SLC45A4: variants seen among roughly 807,000 people sequenced by gnomAD.
SLC45A4 encodes solute carrier family 45 member 4, also known as polyamine-transporter SLC45A4.
A neutral mutation model predicts 63.7 loss-of-function variants in SLC45A4; 32 were observed. The observed-to-expected ratio is 0.50, with a 90% CI of 0.38 to 0.67. The LOEUF (loss-of-function observed/expected upper bound fraction) is 0.67, where lower values mean the gene tolerates loss of function less well. SLC45A4 is among the 30% of genes least tolerant of loss of function. The probability of loss-of-function intolerance (pLI) is 0.00; values close to 1 mark genes in which losing one functional copy is unlikely to be tolerated. For missense variants in SLC45A4, 1,027 were observed against 1,157.7 expected (o/e 0.89, Z 1.64); for synonymous variants, 535 against 510.0 (o/e 1.05, Z -0.66).
At chr8:141,264,500 C>G (rs975712146) in intron 1 of SLC45A4, among the ~76,000 whole-genome samples, 3 of 152,254 alleles carry the variant, frequency 2.0e-5, no homozygotes, top group Non-Finnish European at 4.4e-5. Flanking sequence ...CAGTGCTGTC[C>G]TAATAATTCT....
chr8:141,307,536 G>A (rs1830935559), intron 1 of SLC45A4, among the ~76,000 whole-genome samples: 1 of 107,664 alleles, frequency 9.3e-6, no homozygotes, highest in African/African-American at 4.4e-5. Context: ...AGAAGGGAAG[G>A]GGAAGAAGGG....
At chr8:141,231,536 G>C (rs966010452) in intron 2 of SLC45A4, among the ~76,000 whole-genome samples, 2 of 152,262 alleles carry the variant, frequency 1.3e-5, no homozygotes, top group African/African-American at 4.8e-5. Context: ...CGGATGCCAC[G>C]TGGGGGAGCA....
At chr8:141,243,313 C>T (rs545933196) in intron 2 of SLC45A4, among the ~76,000 whole-genome samples, 12 of 152,188 alleles carry the variant, frequency 7.9e-5, no homozygotes, top group East Asian at 1.9e-4. Flanking sequence ...AGGTGCCCCC[C>T]GCCGCAGCAA....
At position 141,263,320 on chromosome 8, in the gene SLC45A4, T is replaced by A. The variant is rs1217539426; in HGVS notation, c.-400-8691A>T. On this transcript the variant is annotated intron_variant, in intron 1 of 8. Coordinates refer to ENST00000517878, the MANE Select transcript of SLC45A4 (RefSeq NM_001286646.2). Reference sequence around the variant, plus strand: ...CATGGCACATGTATACATATGTAACTAACCGGCACATTGTGCACATGTACC... The same window carrying A: ...CATGGCACATGTATACATATGTAACAAACCGGCACATTGTGCACATGTACC... Among the ~76,000 whole-genome samples the A allele has an allele frequency of 1.8e-4, 28 of 151,700 alleles. No homozygotes were observed. In the South Asian group the frequency reaches 5.0e-3, roughly 27 times the overall value.
At chr8:141,232,954 G>A (rs1827439508) in intron 2 of SLC45A4, among the ~76,000 whole-genome samples, 1 of 152,236 alleles carries the variant, frequency 6.6e-6, no homozygotes, top group African/African-American at 2.4e-5. Flanking sequence ...AGCTGCTGAG[G>A]TGACGTCGCT....
intron 4 of SLC45A4, 48 bp from the exon 5 acceptor site, chr8:141,219,077 A>G (rs770274281): frequency 1.3e-6 from 2 of 1,572,742 alleles, no homozygotes; most frequent in Admixed American, 1.8e-5. Context: ...ACCAGGCCAC[A>G]GGGGGGGAAG....
intron 1 of SLC45A4, among the ~76,000 whole-genome samples, chr8:141,290,585 A>C (rs1830309830): frequency 6.6e-6 from 1 of 152,208 alleles, no homozygotes; most frequent in Admixed American, 6.5e-5. Context: ...CATGACAACG[A>C]CATGAAACAC....
chr8:141,268,111 G>A (rs1829353524), intron 1 of SLC45A4, among the ~76,000 whole-genome samples: 2 of 152,182 alleles, frequency 1.3e-5, no homozygotes, highest in Non-Finnish European at 2.9e-5. Context: ...CCAGATGATG[G>A]AATGTCATTC....
intron 5 of SLC45A4, 28 bp downstream of exon 5, chr8:141,217,983 G>A (rs1377043970): frequency 8.1e-6 from 2 of 247,142 alleles, no homozygotes; most frequent in Middle Eastern, 8.7e-4. Flanking sequence ...CAGAGAGAGC[G>A]GCCCCGCTCC....
intron 1 of SLC45A4, among the ~76,000 whole-genome samples, chr8:141,286,306 C>T (rs564459450): frequency 3.9e-5 from 6 of 152,160 alleles, no homozygotes; most frequent in Non-Finnish European, 7.3e-5. Context: ...TCAGAAAAGG[C>T]CTCCACCCTC....
At chr8:141,271,260 G>A (rs962293587) in intron 1 of SLC45A4, among the ~76,000 whole-genome samples, 5 of 152,226 alleles carry the variant, frequency 3.3e-5, no homozygotes, top group Non-Finnish European at 5.9e-5. Flanking sequence ...ACTGTAGGAT[G>A]CTGGTGGCAA....
intron 1 of SLC45A4, among the ~76,000 whole-genome samples, chr8:141,258,003 G>A (rs1185014799): frequency 6.6e-6 from 1 of 151,358 alleles, no homozygotes; most frequent in Non-Finnish European, 1.5e-5. Flanking sequence ...GAACATTTCC[G>A]GGATTTCGGG....
intron 1 of SLC45A4, among the ~76,000 whole-genome samples, chr8:141,263,796 T>C (rs1472471071): frequency 3.4e-5 from 5 of 146,420 alleles, no homozygotes; most frequent in Non-Finnish European, 6.0e-5. Flanking sequence ...AAAATAATAA[T>C]AAAAACAAAA....
chr8:141,248,543 C>T (rs921001061), intron 2 of SLC45A4, among the ~76,000 whole-genome samples: 5 of 151,908 alleles, frequency 3.3e-5, no homozygotes, highest in Non-Finnish European at 7.4e-5. Context: ...GCATTTCAGC[C>T]TGGGAAACAG....
chr8:141,236,958 T>C (rs1827658658), intron 2 of SLC45A4, among the ~76,000 whole-genome samples: 1 of 152,236 alleles, frequency 6.6e-6, no homozygotes, highest in Non-Finnish European at 1.5e-5. Context: ...GTCCTATCAG[T>C]TCAAACACAT....
Position 141,211,253 on chromosome 8 carries a change from C to A in SLC45A4, c.*319G>T. ...AAAGTCAACGTTTCCTTCCCCCTGA[C>A]GTTGGGAGCGGTCTGGAGGGGCAAC... On this transcript the variant is annotated 3_prime_UTR_variant, in exon 9 of 9. Transcript: ENST00000517878. 2.1e-6 allele frequency: 1 copy of A among 469,170 alleles called. No homozygotes were observed. Among genetic ancestry groups the A allele is most frequent in the Non-Finnish European group, 3.7e-6 (1 of 269,564 alleles). The allele number at this position is 469,170 out of a possible 1,614,324, so 29.1% of individuals were successfully genotyped here.
rs2154614290 is a variant in SLC45A4 at position 141,229,592 on chromosome 8, C to G, written c.242-7827G>C. Among the ~76,000 whole-genome samples, 1 of 152,242 alleles carries G rather than the reference C, an allele frequency of 6.6e-6. No homozygotes were observed. The highest frequency in any genetic ancestry group is 1.9e-4 in the East Asian group (1 of 5,178). On this transcript the variant is annotated intron_variant, in intron 2 of 8. Coordinates refer to ENST00000517878, the MANE Select transcript of SLC45A4 (RefSeq NM_001286646.2). This position sits in a 1 kb window ranked among gnomAD's most constrained non-coding sequence, Gnocchi z 5.0. ...GGACCGCATCCTAGGAGGCTCTCAACAAGCACGTGGCAGGTGACGGCACCC... is the reference window on the plus strand; with the variant it reads ...GGACCGCATCCTAGGAGGCTCTCAAGAAGCACGTGGCAGGTGACGGCACCC...
At chr8:141,300,044 G>A (rs1830691675) in intron 1 of SLC45A4, among the ~76,000 whole-genome samples, 2 of 152,164 alleles carry the variant, frequency 1.3e-5, no homozygotes, top group African/African-American at 4.8e-5. Context: ...TCCCTGGAAT[G>A]AAGGCACTGG....
intron 7 of SLC45A4, among the ~76,000 whole-genome samples, chr8:141,214,276 T>A (rs956733289): frequency 6.6e-6 from 1 of 151,852 alleles, no homozygotes; most frequent in East Asian, 1.9e-4. Context: ...ACACCACTTC[T>A]ACATATTTAG....
Sources: allele counts gnomAD v4.1 joint callset (sites outside exome capture counted in the v4.1 genomes callset), GRCh38; gene constraint gnomAD v4.1.1; non-coding constraint Gnocchi (gnomAD v3.1); transcripts MANE v1.5; gene names NCBI Gene and HGNC (gene_info 2026-07-23, HGNC 2026-07-21).